TTC17: variants seen among roughly 807,000 people sequenced by gnomAD.
TTC17 encodes the protein tetratricopeptide repeat protein 17.
A neutral mutation model predicts 143.8 loss-of-function variants in TTC17; 58 were observed. The observed-to-expected ratio is 0.40, with a 90% CI of 0.33 to 0.50. TTC17 has a LOEUF of 0.50. TTC17 is among the 20% of genes least tolerant of loss of function. TTC17 has a pLI of 0.49. For missense variants in TTC17, 1,273 were observed against 1,392.5 expected (o/e 0.91, Z 1.37); for synonymous variants, 501 against 497.8 (o/e 1.01, Z -0.09).
intron 5 of TTC17, chr11:43,396,482 A>G (rs1171193937): frequency 3.3e-6 from 1 of 304,222 alleles, no homozygotes; most frequent in Non-Finnish European, 6.0e-6. Flanking sequence ...TGGTCTCTAT[A>G]TGAAGATCAC....
intron 2 of TTC17, among the ~76,000 whole-genome samples, chr11:43,382,353 A>G (rs1368650730): frequency 6.6e-6 from 1 of 152,222 alleles, no homozygotes; most frequent in Non-Finnish European, 1.5e-5. Context: ...AGTTAAAAAC[A>G]TTGATGAAAA....
intron 16 of TTC17, among the ~76,000 whole-genome samples, chr11:43,435,731 T>G (rs1443215882): frequency 6.6e-6 from 1 of 152,258 alleles, no homozygotes; most frequent in East Asian, 1.9e-4. Flanking sequence ...TTGGTATATC[T>G]CATTTTAAGC....
rs562554605 is a variant in TTC17 at position 43,367,363 on chromosome 11, G to A, written c.159+8250G>A. Among the ~76,000 whole-genome samples, 29 of 152,184 alleles carry A rather than the reference G, an allele frequency of 1.9e-4. No individual in the cohort carries two copies. The East Asian group carries it at 3.9e-3, about 20-fold the overall frequency. On this transcript the variant is annotated intron_variant, in intron 1 of 23. Transcript: ENST00000039989. Reference sequence around the variant, plus strand: ...ATATCTAAAAGGTCAACTTTAATGCGCAGGCATCAAAAAGCAAAAAGTATG... The same window carrying A: ...ATATCTAAAAGGTCAACTTTAATGCACAGGCATCAAAAAGCAAAAAGTATG...
At chr11:43,457,322 C>A (rs719778) in intron 21 of TTC17, among the ~76,000 whole-genome samples, 278 of 152,138 alleles carry the variant, frequency 1.8e-3, no homozygotes, top group Admixed American at 6.1e-3. Flanking sequence ...AGTCTTACGA[C>A]CTCTTTGCCT....
At chr11:43,471,917 A>G (rs770935818) in intron 21 of TTC17, among the ~76,000 whole-genome samples, 6 of 152,224 alleles carry the variant, frequency 3.9e-5, no homozygotes, top group Non-Finnish European at 7.3e-5. Context: ...AGATAAACCT[A>G]ATATATCAGT....
chr11:43,447,057 CA>C (rs1275603490), intron 18 of TTC17, among the ~76,000 whole-genome samples: 10 of 152,084 alleles, frequency 6.6e-5, no homozygotes. Context: ...CAGTGGCTCA[CA>C]TCTGTAATCC....
chr11:43,368,804 C>CAGT (rs947928801), intron 1 of TTC17, among the ~76,000 whole-genome samples: 8 of 152,222 alleles, frequency 5.3e-5, no homozygotes, highest in Non-Finnish European at 1.2e-4. Flanking sequence ...TTATGGCCTA[C>CAGT]AAGGTCCTGT....
rs56768242 is a variant in TTC17 at position 43,359,440 on chromosome 11, G to A, written c.159+327G>A. 4.9e-3 allele frequency: 1,551 copies of A among 315,142 alleles called. 28 individuals carry two copies. The highest frequency in any genetic ancestry group is 0.032 in the African/African-American group (1,471 of 45,526). 19.5% of individuals were successfully genotyped at this position (315,142 alleles called of 1,614,324 possible). On this transcript the variant is annotated intron_variant, in intron 1 of 23. Coordinates refer to ENST00000039989, the MANE Select transcript of TTC17 (RefSeq NM_018259.6). ...CGGGGTTTAGAAATCACAGATTTCA[G>A]GATTCCTGCCTTTGGTGCCTCTCGG...
intron 16 of TTC17, among the ~76,000 whole-genome samples, chr11:43,416,167 T>TTTTG (rs887603347): frequency 4.6e-5 from 7 of 152,094 alleles, no homozygotes; most frequent in Non-Finnish European, 1.0e-4. Context: ...TGTGGTCTTT[T>TTTTG]TTTGTTTGTT....
chr11:43,476,049 C>G (rs1165042212), intron 21 of TTC17, among the ~76,000 whole-genome samples: 1 of 152,140 alleles, frequency 6.6e-6, no homozygotes, highest in Admixed American at 6.5e-5. Context: ...GCTGAAAAAA[C>G]TAGAGGTAAT....
intron 11 of TTC17, among the ~76,000 whole-genome samples, chr11:43,405,142 A>T (rs1023845710): frequency 3.5e-5 from 5 of 141,756 alleles, no homozygotes; most frequent in African/African-American, 7.9e-5. Flanking sequence ...TATTGGTTTC[A>T]TCCAAAAGCT....
intron 10 of TTC17, 31 bp from the exon 11 acceptor site, chr11:43,403,967 A>C (rs139782530): frequency 1.7e-5 from 27 of 1,556,076 alleles, no homozygotes; most frequent in Non-Finnish European, 2.3e-5. Flanking sequence ...TCCACTTTCA[A>C]TTTGATTGAA....
intron 15 of TTC17, among the ~76,000 whole-genome samples, chr11:43,411,875 G>A (rs1237154777): frequency 2.6e-5 from 4 of 152,054 alleles, no homozygotes; most frequent in African/African-American, 9.7e-5. Context: ...TTATCCTCTG[G>A]CTTGGTTACA....
At chr11:43,405,161 T>G (rs773130044) in intron 11 of TTC17, among the ~76,000 whole-genome samples, 1 of 151,962 alleles carries the variant, frequency 6.6e-6, no homozygotes, top group Admixed American at 6.6e-5. Flanking sequence ...CTTGGTTTTT[T>G]TCATGGTCAT....
chr11:43,473,638 G>A (rs1030428535), intron 21 of TTC17, among the ~76,000 whole-genome samples: 2 of 152,186 alleles, frequency 1.3e-5, no homozygotes, highest in African/African-American at 4.8e-5. Context: ...ACTTTGGGAA[G>A]CCAAGGCAGG....
chr11:43,440,607 A>C (rs1433993244), intron 16 of TTC17, among the ~76,000 whole-genome samples: 2 of 152,102 alleles, frequency 1.3e-5, no homozygotes, highest in East Asian at 3.9e-4. Context: ...AAGATTATTC[A>C]ATACCTTTCT....
intron 16 of TTC17, among the ~76,000 whole-genome samples, chr11:43,439,763 A>T (rs1299186557): frequency 1.3e-5 from 2 of 151,880 alleles, no homozygotes; most frequent in Non-Finnish European, 2.9e-5. Flanking sequence ...GAGCCACCGC[A>T]CCCAGCCCGT....
intron 15 of TTC17, among the ~76,000 whole-genome samples, chr11:43,410,223 T>A (rs548418302): frequency 1.7e-3 from 256 of 152,294 alleles, no homozygotes; most frequent in Middle Eastern, 3.4e-3. Flanking sequence ...TTTTTTAGAT[T>A]TTGTGCAAAC....
At chr11:43,399,183 T>A (rs1219775215) in intron 8 of TTC17, among the ~76,000 whole-genome samples, 1 of 152,222 alleles carries the variant, frequency 6.6e-6, no homozygotes, top group Non-Finnish European at 1.5e-5. Context: ...CCCTAACTCT[T>A]AACTTTGTCT....
Sources: gnomAD v4.1 joint callset for allele counts (sites outside exome capture counted in the v4.1 genomes callset) on GRCh38, gnomAD v4.1.1 for gene constraint, MANE v1.5 for transcripts, NCBI Gene and HGNC (gene_info 2026-07-23, HGNC 2026-07-21) for gene names.